Variants in EMC10 observed in about 807,000 individuals in gnomAD.
EMC10 encodes the protein ER membrane protein complex subunit 10.
Under a neutral mutation model 32.2 loss-of-function variants are expected in EMC10, and 40 were observed. The ratio of observed to expected loss-of-function variants is 1.24; its 90% CI spans 0.96 to 1.61. The LOEUF is 1.61. Among genes scored for constraint, EMC10 ranks in the 40% most tolerant of loss-of-function variants. EMC10 has a pLI of 0.00. For missense variants in EMC10, 402 were observed against 357.7 expected (o/e 1.12, Z -1.00); for synonymous variants, 178 against 158.4 (o/e 1.12, Z -0.93).
chr19:50,482,798 G>C lies in EMC10; in HGVS notation c.*539G>C, dbSNP rs2122666851. On this transcript the variant is annotated 3_prime_UTR_variant, in exon 7 of 7. Coordinates refer to ENST00000334976, the MANE Select transcript of EMC10 (RefSeq NM_206538.4). The stretch of plus-strand genomic sequence containing the variant: ...CCTCATCAGGGGCAGAGGCATGAAA[G>C]AGTCGGGGCTGGATGGCCGGGGGCT... 1 of 514,634 alleles carries C rather than the reference G, an allele frequency of 1.9e-6. No homozygotes were observed. The highest frequency in any genetic ancestry group is 2.0e-5 in the African/African-American group (1 of 51,242). The allele number at this position is 514,634 out of a possible 1,614,324, so 31.9% of individuals were successfully genotyped here. A position where few individuals can be genotyped will look rare whatever the true frequency, so the allele number is the denominator to read the frequency against.
In EMC10 at chr19:50,482,513, C is replaced by G. The variant is rs1343781628; in HGVS notation, c.*254C>G. ...TGGCCCCATGCAGCCCCAGGGGCTTCCCCCCTGCCCATGGAGTAGAGCCCG... is the reference window on the plus strand; with the variant it reads ...TGGCCCCATGCAGCCCCAGGGGCTTGCCCCCTGCCCATGGAGTAGAGCCCG... On this transcript the variant is annotated 3_prime_UTR_variant, in exon 7 of 7. Coordinates refer to ENST00000334976, the MANE Select transcript of EMC10 (RefSeq NM_206538.4). 3.6e-6 allele frequency: 2 copies of G among 560,908 alleles called. No homozygotes were observed. The highest frequency in any genetic ancestry group is 6.3e-6 in the Non-Finnish European group (2 of 318,702). 34.7% of individuals were successfully genotyped at this position (560,908 alleles called of 1,614,324 possible).
At position 50,482,313 on chromosome 19, in the gene EMC10, C is replaced by A; in HGVS notation, c.*54C>A. The A allele has an allele frequency of 1.3e-6, 1 of 748,484 alleles. No homozygotes were observed. The highest frequency in any genetic ancestry group is 2.3e-6 in the Non-Finnish European group (1 of 440,486). The allele number at this position is 748,484 out of a possible 1,614,324, so 46.4% of individuals were successfully genotyped here. A position where few individuals can be genotyped will look rare whatever the true frequency, so the allele number is the denominator to read the frequency against. On this transcript the variant is annotated 3_prime_UTR_variant, in exon 7 of 7. Coordinates refer to ENST00000334976, the MANE Select transcript of EMC10 (RefSeq NM_206538.4). ...GCACACCCAGGGGCCTCCCTTTCTG[C>A]TGGAGTCCCCTGTGTCCTCAGCCAT... is the stretch of plus-strand genomic sequence containing the variant.
In EMC10 at chr19:50,486,571, C is replaced by T. The variant is rs958903255; in HGVS notation, c.*4312C>T. On this transcript the variant is annotated 3_prime_UTR_variant, in exon 7 of 7. Coordinates refer to ENST00000334976, the MANE Select transcript of EMC10 (RefSeq NM_206538.4). The stretch of plus-strand genomic sequence containing the variant: ...GGTGCCTCTTCAGCTGTCAGTCCAT[C>T]CTCCTTTATTTGTACCCACCTTCCA... 4 of 152,176 alleles carry T rather than the reference C, an allele frequency of 2.6e-5. No individual in the cohort carries two copies. Among genetic ancestry groups the T allele is most frequent in the Admixed American group, 6.6e-5 (1 of 15,264 alleles). 9.4% of individuals were successfully genotyped at this position (152,176 alleles called of 1,614,324 possible).
chr19:50,479,021 C>G lies in EMC10; in HGVS notation c.252C>G (p.Ser84=), dbSNP rs768223611. The G allele has an allele frequency of 4.3e-6, 7 of 1,610,828 alleles. No individual in the cohort carries two copies. The East Asian group carries it at 1.3e-4, about 31-fold the overall frequency. Residue 84 remains serine (S), a synonymous_variant, in exon 3 of 7, where the codon TCC becomes TCG. Coordinates refer to ENST00000334976, the MANE Select transcript of EMC10 (RefSeq NM_206538.4). ...GGAACCAGCAGGATGGTACCTTGTC[C>G]CTGTCACAGCGGCAGCTCAGCGAGG... The part of the protein sequence containing the change: ...LLWNQQDGTL[S]LSQRQLSEEE...
rs752307256 is a variant in EMC10 at position 50,481,957 on chromosome 19, G to C, written c.679-192G>C. The stretch of plus-strand genomic sequence containing the variant: ...GCCACAGGAGGCCTGAGTGAGGACC[G>C]AGACCCCTGCCCCTCCCTGCGCCCC... On this transcript the variant is annotated intron_variant, in intron 6 of 6. Coordinates refer to ENST00000334976, the MANE Select transcript of EMC10 (RefSeq NM_206538.4). 1.9e-6 allele frequency: 3 copies of C among 1,607,654 alleles called. No homozygotes were observed. In the East Asian group the frequency reaches 6.7e-5, roughly 36 times the overall value.
Position 50,482,330 on chromosome 19 carries a change from C to T in EMC10, c.*71C>T, listed in dbSNP as rs746142490. On this transcript the variant is annotated 3_prime_UTR_variant, in exon 7 of 7. Transcript: ENST00000334976. ...CCTTTCTGCTGGAGTCCCCTGTGTC[C>T]TCAGCCATCCCAAGAAGGGTTTGCT... 2.9e-6 allele frequency: 2 copies of T among 689,304 alleles called. No individual in the cohort carries two copies. The highest frequency in any genetic ancestry group is 5.0e-6 in the Non-Finnish European group (2 of 396,660). The allele number at this position is 689,304 out of a possible 1,614,324, so 42.7% of individuals were successfully genotyped here.
rs1271700791 is a variant in EMC10 at position 50,476,675 on chromosome 19, T to A, written c.114+17T>A. On this transcript the variant is annotated intron_variant, in intron 1 of 6. Transcript: ENST00000334976. ...GCGCGAGGGGTGAGTGCTCTTTAGCTGTGCATAGCGGGCGCGGTCTACGGA... is the reference window on the plus strand; with the variant it reads ...GCGCGAGGGGTGAGTGCTCTTTAGCAGTGCATAGCGGGCGCGGTCTACGGA... 1.4e-6 allele frequency: 2 copies of A among 1,452,068 alleles called. No individual in the cohort carries two copies. The highest frequency in any genetic ancestry group is 9.1e-7 in the Non-Finnish European group (1 of 1,096,732). 89.9% of individuals were successfully genotyped at this position (1,452,068 alleles called of 1,614,324 possible).
At chr19:50,481,110 C>G in intron 6 of EMC10, 133 bp downstream of exon 6, 1 of 665,952 alleles carries the variant, frequency 1.5e-6, no homozygotes, top group Non-Finnish European at 2.6e-6. Flanking sequence ...TCCTGTGTGT[C>G]CTGGTACCTG....
At chr19:50,479,600 G>C (rs1168234154) in intron 3 of EMC10, among the ~76,000 whole-genome samples, 1 of 152,208 alleles carries the variant, frequency 6.6e-6, no homozygotes, top group Admixed American at 6.5e-5. Flanking sequence ...GCTTGCAAAA[G>C]CTGGCACAAC....
In EMC10 at chr19:50,485,369, CAT is replaced by C. The variant is rs1361691995; in HGVS notation, c.*3111_*3112del. 6.6e-6 allele frequency: 1 copy of C among 152,258 alleles called. No homozygotes were observed. 9.4% of individuals were successfully genotyped at this position (152,258 alleles called of 1,614,324 possible). ...AGATCCCACCCCTGATCTCCAGACT[CAT>C]GGCCCCAGCTGCCTCCTGGGCTCCT... is the stretch of plus-strand genomic sequence containing the variant. On this transcript the variant is annotated 3_prime_UTR_variant, in exon 7 of 7. Coordinates refer to ENST00000334976, the MANE Select transcript of EMC10 (RefSeq NM_206538.4).
chr19:50,477,902 A>C (rs2040254112), intron 1 of EMC10, 27 bp from the exon 2 acceptor site: 16 of 1,589,548 alleles, frequency 1.0e-5, no homozygotes, highest in Non-Finnish European at 1.4e-5. Context: ...GGTGGTCCTC[A>C]CCTGGGGCCT....
Position 50,482,465 on chromosome 19 carries a change from G to C in EMC10, c.*206G>C, listed in dbSNP as rs867131319. 5.1e-6 allele frequency: 3 copies of C among 589,220 alleles called. No homozygotes were observed. Among genetic ancestry groups the C allele is most frequent in the Middle Eastern group, 2.6e-4 (1 of 3,848 alleles). 36.5% of individuals were successfully genotyped at this position (589,220 alleles called of 1,614,324 possible). Reference sequence around the variant, plus strand: ...TGGGGCCTTTGGCACAGCAGCCGGTGTCTCCTGCGCCCGCCTCCCCCATGG... The same window carrying C: ...TGGGGCCTTTGGCACAGCAGCCGGTCTCTCCTGCGCCCGCCTCCCCCATGG... On this transcript the variant is annotated 3_prime_UTR_variant, in exon 7 of 7. Coordinates refer to ENST00000334976, the MANE Select transcript of EMC10 (RefSeq NM_206538.4).
Position 50,480,007 on chromosome 19 carries a change from TG to T in EMC10, c.298-101del. ...GGCCTGGGGAGTGTGGGCCGTGAGG[TG>T]GGTGGGGCTGGAGAGGGGCCTTCGC... On this transcript the variant is annotated intron_variant, in intron 3 of 6. Transcript: ENST00000334976. This position sits in a 1 kb window ranked among gnomAD's most constrained non-coding sequence, Gnocchi z 4.4. 1.1e-6 allele frequency: 1 copy of T among 875,706 alleles called. No individual in the cohort carries two copies. Among genetic ancestry groups the T allele is most frequent in the Non-Finnish European group, 1.7e-6 (1 of 574,496 alleles). The allele number at this position is 875,706 out of a possible 1,614,324, so 54.2% of individuals were successfully genotyped here.
In EMC10 at chr19:50,490,805, C is replaced by T. The variant is rs1978593528; in HGVS notation, c.*8546C>T. The T allele has an allele frequency of 6.6e-6, 1 of 152,164 alleles. No individual in the cohort carries two copies. Among genetic ancestry groups the T allele is most frequent in the South Asian group, 2.1e-4 (1 of 4,830 alleles). 9.4% of individuals were successfully genotyped at this position (152,164 alleles called of 1,614,324 possible). On this transcript the variant is annotated 3_prime_UTR_variant, in exon 7 of 7. Transcript: ENST00000334976. ...GGCAGAGGCTTCGCTGCTGGAAAATCAGACGCAGAGTACGAAACGCCTGTG... is the reference window on the plus strand; with the variant it reads ...GGCAGAGGCTTCGCTGCTGGAAAATTAGACGCAGAGTACGAAACGCCTGTG...
intron 2 of EMC10, among the ~76,000 whole-genome samples, chr19:50,478,515 C>A (rs1601323783): frequency 6.6e-6 from 1 of 152,134 alleles, no homozygotes; most frequent in African/African-American, 2.4e-5. Context: ...GTGTAGTAAT[C>A]GAGTCTGAGG....
rs567561385 is a variant in EMC10, at chr19:50,481,820, G to A, written c.679-329G>A. ...CTCCCTGCTGGCCCTCAGGCCCCAC[G>A]GCAGCCCACTGGCCCTGACCTGCGC... On this transcript the variant is annotated intron_variant, in intron 6 of 6. Coordinates refer to ENST00000334976, the MANE Select transcript of EMC10 (RefSeq NM_206538.4). The A allele has an allele frequency of 1.2e-5, 18 of 1,506,714 alleles. No homozygotes were observed. The African/African-American group carries it at 1.7e-4, about 14-fold the overall frequency. The allele number at this position is 1,506,714 out of a possible 1,614,324, so 93.3% of individuals were successfully genotyped here.
chr19:50,485,052 C>G lies in EMC10; in HGVS notation c.*2793C>G, dbSNP rs1162818090. On this transcript the variant is annotated 3_prime_UTR_variant, in exon 7 of 7. Coordinates refer to ENST00000334976, the MANE Select transcript of EMC10 (RefSeq NM_206538.4). ...GACATAGCTGGGGCAGTTTCCATCT[C>G]TGGTATAAGGTGCCATCTTATTCCA... 6.6e-6 allele frequency: 1 copy of G among 152,188 alleles called. No homozygotes were observed. Among genetic ancestry groups the G allele is most frequent in the African/African-American group, 2.4e-5 (1 of 41,438 alleles). 9.4% of individuals were successfully genotyped at this position (152,188 alleles called of 1,614,324 possible).
In EMC10 at chr19:50,480,366, C is replaced by T. The variant is rs943426097; in HGVS notation, c.402+151C>T. The T allele has an allele frequency of 2.0e-6, 2 of 977,106 alleles. No individual in the cohort carries two copies. The highest frequency in any genetic ancestry group is 3.0e-6 in the Non-Finnish European group (2 of 656,136). 60.5% of individuals were successfully genotyped at this position (977,106 alleles called of 1,614,324 possible). A position where few individuals can be genotyped will look rare whatever the true frequency, so the allele number is the denominator to read the frequency against. ...GCCTTGCCTTCCGAGGCCTCCTGGTCTGGAGGGGTCGGTCCAGGTAGCGGG... is the reference window on the plus strand; with the variant it reads ...GCCTTGCCTTCCGAGGCCTCCTGGTTTGGAGGGGTCGGTCCAGGTAGCGGG... On this transcript the variant is annotated intron_variant, in intron 4 of 6. Transcript: ENST00000334976. The surrounding 1 kb of genome is among the most constrained non-coding windows in gnomAD (Gnocchi z 4.4).
chr19:50,481,469 T>C (rs139150400), intron 6 of EMC10: 10,313 of 249,366 alleles, frequency 0.041, 387 homozygotes, highest in Non-Finnish European at 0.054. Context: ...GCTTAGAGGC[T>C]GAGGCGTGGG....
Sources: gnomAD v4.1 joint callset for allele counts (sites outside exome capture counted in the v4.1 genomes callset) on GRCh38, gnomAD v4.1.1 for gene constraint, Gnocchi (gnomAD v3.1) non-coding constraint, MANE v1.5 for transcripts, NCBI Gene and HGNC (gene_info 2026-07-23, HGNC 2026-07-21) for gene names.